LRRTM4: variants seen among roughly 807,000 people sequenced by gnomAD.
LRRTM4 encodes leucine rich repeat transmembrane neuronal 4.
LRRTM4 carries 25 observed loss-of-function variants against 47.6 expected under a neutral mutation model. That is an observed-to-expected ratio of 0.53 (90% CI 0.38 to 0.73). LRRTM4 has a LOEUF of 0.73. LRRTM4 is among the 30% of genes least tolerant of loss of function. The pLI is 0.00. For synonymous variants in LRRTM4, 311 were observed against 269.5 expected (o/e 1.15, Z -1.51); for missense variants, 638 against 713.4 (o/e 0.89, Z 1.20).
At chr2:76,917,450 T>A (rs1048729296) in intron 3 of LRRTM4, among the ~76,000 whole-genome samples, 17 of 152,192 alleles carry the variant, frequency 1.1e-4, no homozygotes, top group African/African-American at 3.9e-4. Context: ...TTAAAATCTA[T>A]GTTTCGCTCA....
intron 3 of LRRTM4, among the ~76,000 whole-genome samples, chr2:77,303,373 C>A (rs1032948270): frequency 6.6e-6 from 1 of 152,148 alleles, no homozygotes; most frequent in African/African-American, 2.4e-5. Flanking sequence ...CTGAAGCCAG[C>A]GGATTTTAGC....
chr2:77,184,599 C>T (rs1673447020), intron 3 of LRRTM4, among the ~76,000 whole-genome samples: 1 of 152,048 alleles, frequency 6.6e-6, no homozygotes, highest in South Asian at 2.1e-4. Context: ...AAAGCCTTTC[C>T]CAAAGGAGTT....
At chr2:77,443,358 T>A (rs1675921883) in intron 3 of LRRTM4, among the ~76,000 whole-genome samples, 1 of 152,048 alleles carries the variant, frequency 6.6e-6, no homozygotes, top group African/African-American at 2.4e-5. Context: ...TTGGTAGTAG[T>A]TTTTCCAGCA....
Position 77,200,995 on chromosome 2 carries a change from C to T in LRRTM4, c.1551+317323G>A, listed in dbSNP as rs1029997601. Among the ~76,000 whole-genome samples the T allele has an allele frequency of 5.3e-5, 8 of 152,188 alleles. No homozygotes were observed. In the East Asian group the frequency reaches 7.7e-4, roughly 15 times the overall value. ...ACCTGCGGCAAAGTCCCTTTTAAAT[C>T]GGACAAGGCAAGTGTACGTAAGCCA... On this transcript the variant is annotated intron_variant, in intron 3 of 3. Coordinates refer to ENST00000409884, the MANE Select transcript of LRRTM4 (RefSeq NM_001134745.3).
rs562713576 is a variant in LRRTM4, at chr2:77,031,516, T to A, written c.1552-282600A>T. ...ATACACATTGTTCTACTGAAATCAC[T>A]GGAACAATTATCAAAGACTGTAGAT... On this transcript the variant is annotated intron_variant, in intron 3 of 3. Transcript: ENST00000409884. Among the ~76,000 whole-genome samples the A allele has an allele frequency of 1.8e-4, 27 of 152,300 alleles. No homozygotes were observed. The South Asian group carries it at 5.2e-3, about 29-fold the overall frequency.
At chr2:77,268,783 C>T (rs534727153) in intron 3 of LRRTM4, among the ~76,000 whole-genome samples, 1 of 152,274 alleles carries the variant, frequency 6.6e-6, no homozygotes, top group Admixed American at 6.5e-5. Context: ...CATAGTTACA[C>T]TAAACTAGCC....
At chr2:77,219,471 CAG>C (rs1341174812) in intron 3 of LRRTM4, among the ~76,000 whole-genome samples, 1 of 152,076 alleles carries the variant, frequency 6.6e-6, no homozygotes, top group East Asian at 1.9e-4. Flanking sequence ...GGAAAAAAAA[CAG>C]AAACACGATT....
At chr2:76,906,822 T>C (rs1350623236) in intron 3 of LRRTM4, among the ~76,000 whole-genome samples, 1 of 151,140 alleles carries the variant, frequency 6.6e-6, no homozygotes, top group Admixed American at 6.6e-5. Context: ...ATGCACCCAA[T>C]ACAGGAGCAC....
chr2:77,448,993 T>A (rs527455939), intron 3 of LRRTM4, among the ~76,000 whole-genome samples: 1 of 152,312 alleles, frequency 6.6e-6, no homozygotes, highest in South Asian at 2.1e-4. Context: ...CAGAAGTATT[T>A]TTATAGTTCC....
intron 3 of LRRTM4, among the ~76,000 whole-genome samples, chr2:76,777,117 T>C (rs1674049541): frequency 6.7e-6 from 1 of 149,288 alleles, no homozygotes. Flanking sequence ...CATTGATCTA[T>C]ATCTCTGTTT....
At chr2:77,163,324 A>G (rs1305113736) in intron 3 of LRRTM4, among the ~76,000 whole-genome samples, 1 of 152,206 alleles carries the variant, frequency 6.6e-6, no homozygotes, top group Non-Finnish European at 1.5e-5. Flanking sequence ...ATATGGGACT[A>G]TGTGGAAAGA....
At chr2:77,433,674 G>A (rs889049466) in intron 3 of LRRTM4, among the ~76,000 whole-genome samples, 1 of 152,256 alleles carries the variant, frequency 6.6e-6, no homozygotes, top group Admixed American at 6.5e-5. Flanking sequence ...ATTAAGGGAA[G>A]CCATAGCAGA....
chr2:77,140,902 A>C (rs1375665844), intron 3 of LRRTM4, among the ~76,000 whole-genome samples: 7 of 152,178 alleles, frequency 4.6e-5, no homozygotes, highest in African/African-American at 9.7e-5. Context: ...CAGAGAAATG[A>C]AAATCAAAAC....
rs548673596 is a variant in LRRTM4 at position 76,998,755 on chromosome 2, C to G, written c.1552-249839G>C. 6.0e-5 allele frequency among the ~76,000 whole-genome samples: 9 copies of G among 150,010 alleles called. No homozygotes were observed. In the East Asian group the frequency reaches 1.8e-3, roughly 29 times the overall value. On this transcript the variant is annotated intron_variant, in intron 3 of 3. Transcript: ENST00000409884. ...CCTAGTTACCCTTCCTTCAGTTTTT[C>G]CTCTATATTTTCTGTTTTTTTTTTT...
rs138205983 is a variant in LRRTM4 at position 76,965,466 on chromosome 2, G to T, written c.1552-216550C>A. Among the ~76,000 whole-genome samples, 54 of 151,312 alleles carry T rather than the reference G, an allele frequency of 3.6e-4. No individual in the cohort carries two copies. In the East Asian group the frequency reaches 0.01, roughly 28 times the overall value. ...AAAGAATCATATGATTATATTAATT[G>T]ATATCTTTGATGAGCAGAAACATCT... On this transcript the variant is annotated intron_variant, in intron 3 of 3. Coordinates refer to ENST00000409884, the MANE Select transcript of LRRTM4 (RefSeq NM_001134745.3).
intron 3 of LRRTM4, among the ~76,000 whole-genome samples, chr2:77,256,709 T>G (rs1675778742): frequency 6.6e-6 from 1 of 152,176 alleles, no homozygotes; most frequent in African/African-American, 2.4e-5. Context: ...CTTTCTTTTA[T>G]AAATTACTCA....
chr2:76,915,964 T>C (rs546937304), intron 3 of LRRTM4, among the ~76,000 whole-genome samples: 2 of 152,244 alleles, frequency 1.3e-5, no homozygotes, highest in South Asian at 4.1e-4. Flanking sequence ...AGTTTGTTAG[T>C]GAGCCATAGA....
chr2:77,447,256 T>G (rs901535731), intron 3 of LRRTM4, among the ~76,000 whole-genome samples: 1 of 152,132 alleles, frequency 6.6e-6, no homozygotes, highest in African/African-American at 2.4e-5. Context: ...TGTGTGTATG[T>G]GTGTCTGTGT....
chr2:77,236,092 C>T (rs1675096471), intron 3 of LRRTM4, among the ~76,000 whole-genome samples: 1 of 151,950 alleles, frequency 6.6e-6, no homozygotes, highest in African/African-American at 2.4e-5. Flanking sequence ...AGTGTTGAAT[C>T]TGTAGATTGC....
Sources: gnomAD v4.1 joint callset for allele counts (sites outside exome capture counted in the v4.1 genomes callset) on GRCh38, gnomAD v4.1.1 for gene constraint, MANE v1.5 for transcripts, NCBI Gene and HGNC (gene_info 2026-07-23, HGNC 2026-07-21) for gene names.